The following TVP23A variants were observed in gnomAD, a reference collection of about 807,000 sequenced individuals.
TVP23A encodes trans-golgi network vesicle protein 23 homolog A.
TVP23A carries 21 observed loss-of-function variants against 31.7 expected under a neutral mutation model. That is an observed-to-expected ratio of 0.66 (90% CI 0.47 to 0.95). The LOEUF (loss-of-function observed/expected upper bound fraction) is 0.95. Ranked by LOEUF, TVP23A falls within the 40% of genes least tolerant of loss-of-function variation. TVP23A has a pLI of 0.00. For missense variants in TVP23A, 279 were observed against 255.6 expected, an observed-to-expected ratio of 1.09 and a Z score of -0.62; for synonymous variants, 104 against 96.0, an observed-to-expected ratio of 1.08 and a Z score of -0.49.
chr16:10,807,971 C>T (rs149772855), intron 2 of TVP23A, among the ~76,000 whole-genome samples: 148 of 152,268 alleles, frequency 9.7e-4, no homozygotes, highest in African/African-American at 3.4e-3. Context: ...CCTCAGCCTC[C>T]CTAGTAACTG....
Position 10,818,109 on chromosome 16 carries a change from T to A in TVP23A, c.83A>T (p.Lys28Met). The A allele has an allele frequency of 6.2e-7, 1 of 1,608,008 alleles. No homozygotes were observed. The highest frequency in any genetic ancestry group is 8.5e-7 in the Non-Finnish European group (1 of 1,177,446). Residue 28 changes from lysine (K) to methionine (M), a missense_variant, in exon 2 of 8, where the codon AAG becomes ATG. Coordinates refer to ENST00000299866, the MANE Select transcript of TVP23A (RefSeq NM_001079512.4). This position sits in a 1 kb window ranked among gnomAD's most constrained non-coding sequence, Gnocchi z 4.7. Reference protein sequence around the residue: ...NEEELAFRKAKIRHPLATFFH... With the variant: ...NEEELAFRKAMIRHPLATFFH... ...AAGCTCCATCCCAACACACCTGATCTTGGCTTTCCTAAAGGCCAGCTCCTC... is the reference window on the plus strand; with the variant it reads ...AAGCTCCATCCCAACACACCTGATCATGGCTTTCCTAAAGGCCAGCTCCTC...
At chr16:10,764,615 A>C (rs1323686178), downstream of TVP23A, among the ~76,000 whole-genome samples, 2 of 144,878 alleles carry the variant, frequency 1.4e-5, no homozygotes, top group African/African-American at 5.2e-5. Context: ...CTGCTGGAGT[A>C]TGTCAGTCTA....
intron 2 of TVP23A, among the ~76,000 whole-genome samples, chr16:10,800,848 A>C (rs542579335): frequency 2.6e-5 from 4 of 152,230 alleles, no homozygotes; most frequent in African/African-American, 9.6e-5. Flanking sequence ...AAACTTAGCC[A>C]GGCATGGTGG....
chr16:10,765,847 A>C (rs2030793368), downstream of TVP23A, among the ~76,000 whole-genome samples: 1 of 152,206 alleles, frequency 6.6e-6, no homozygotes, highest in South Asian at 2.1e-4. This position sits in a 1 kb window ranked among gnomAD's most constrained non-coding sequence, Gnocchi z 4.0. Flanking sequence ...TCTAGTGGGC[A>C]TGGTCCTGTG....
chr16:10,803,268 T>TGTGTGTGTGTGTGTGTGC (rs1555485954), intron 2 of TVP23A, among the ~76,000 whole-genome samples: 11 of 151,420 alleles, frequency 7.3e-5, no homozygotes, highest in East Asian at 2.0e-4. Context: ...TGTGTGTGTG[T>TGTGTGTGTGTGTGTGTGC]GTGTGTGTGT....
downstream of TVP23A, among the ~76,000 whole-genome samples, chr16:10,764,101 C>G (rs2030464578): frequency 6.6e-6 from 1 of 152,042 alleles, no homozygotes; most frequent in Non-Finnish European, 1.5e-5. Flanking sequence ...AGTATCTCAG[C>G]CCACAGGAGT....
intron 2 of TVP23A, among the ~76,000 whole-genome samples, chr16:10,817,523 C>G (rs1567324501): frequency 6.6e-6 from 1 of 152,172 alleles, no homozygotes; most frequent in East Asian, 1.9e-4. Context: ...AGGTCTCAGG[C>G]AGTTAAGTGA....
At chr16:10,761,823 C>A, downstream of TVP23A, 7 of 1,614,084 alleles carry the variant, frequency 4.3e-6, no homozygotes, top group Non-Finnish European at 5.9e-6. Context: ...CTTGGAGGTC[C>A]CTCTCCTCGG....
At position 10,769,061 on chromosome 16, in the gene TVP23A, T is replaced by A; in HGVS notation, c.*41A>T. ...TTGTTTTCCAGGAATCCAAGAGTTT[T>A]GTAATCTCCATCAGTCAAAAGAAGA... On this transcript the variant is annotated 3_prime_UTR_variant, in exon 8 of 8. Coordinates refer to ENST00000299866, the MANE Select transcript of TVP23A (RefSeq NM_001079512.4). The A allele has an allele frequency of 1.9e-6, 3 of 1,614,110 alleles. No individual in the cohort carries two copies. The highest frequency in any genetic ancestry group is 2.5e-6 in the Non-Finnish European group (3 of 1,180,012).
intron 2 of TVP23A, among the ~76,000 whole-genome samples, chr16:10,802,726 G>GT (rs2033761422): frequency 6.6e-6 from 1 of 152,010 alleles, no homozygotes; most frequent in African/African-American, 2.4e-5. Flanking sequence ...CCAATTCAAC[G>GT]TATCTTGCTG....
intron 2 of TVP23A, among the ~76,000 whole-genome samples, chr16:10,786,352 T>A (rs576915564): frequency 1.3e-5 from 2 of 151,936 alleles, no homozygotes; most frequent in African/African-American, 4.8e-5. Context: ...GTCAGGAGGA[T>A]CACTTGAGGC....
At chr16:10,811,794 C>T (rs188414482) in intron 2 of TVP23A, among the ~76,000 whole-genome samples, 4 of 151,200 alleles carry the variant, frequency 2.6e-5, no homozygotes, top group African/African-American at 9.7e-5. Context: ...GTCCCATCTA[C>T]TCGGCAGGCT....
chr16:10,782,965 C>T (rs778090191), intron 2 of TVP23A, among the ~76,000 whole-genome samples: 1 of 152,056 alleles, frequency 6.6e-6, no homozygotes, highest in South Asian at 2.1e-4. Flanking sequence ...AAGCAAACTG[C>T]CCCTACCTGC....
At chr16:10,758,683 G>A (rs1015754768), downstream of TVP23A, among the ~76,000 whole-genome samples, 2 of 152,170 alleles carry the variant, frequency 1.3e-5, no homozygotes, top group Non-Finnish European at 2.9e-5. Context: ...GTGTCCATGT[G>A]TCAGGTCCCC....
At chr16:10,788,155 T>C (rs746107418) in intron 2 of TVP23A, among the ~76,000 whole-genome samples, 1 of 152,158 alleles carries the variant, frequency 6.6e-6, no homozygotes, top group Non-Finnish European at 1.5e-5. Context: ...GGGAGGGCGC[T>C]TCTGGGTCAT....
intron 2 of TVP23A, among the ~76,000 whole-genome samples, chr16:10,778,720 C>T (rs1596509911): frequency 1.3e-5 from 2 of 150,980 alleles, no homozygotes; most frequent in South Asian, 2.1e-4. Context: ...AATCCCAGCA[C>T]TTTGGGAGGC....
chr16:10,802,035 A>G (rs2033717418), intron 2 of TVP23A, among the ~76,000 whole-genome samples: 1 of 151,666 alleles, frequency 6.6e-6, no homozygotes, highest in South Asian at 2.1e-4. Context: ...TGCACATTGA[A>G]GTATTTAGGG....
intron 2 of TVP23A, among the ~76,000 whole-genome samples, chr16:10,792,293 A>G (rs1424258212): frequency 6.6e-6 from 1 of 152,122 alleles, no homozygotes; most frequent in Non-Finnish European, 1.5e-5. Context: ...CACAGACAAC[A>G]CTGCTTCACT....
downstream of TVP23A, among the ~76,000 whole-genome samples, chr16:10,757,512 G>T (rs1900638142): frequency 6.6e-6 from 1 of 152,076 alleles, no homozygotes; most frequent in South Asian, 2.1e-4. The surrounding 1 kb of genome is among the most constrained non-coding windows in gnomAD (Gnocchi z 4.1). Context: ...TACACCATAG[G>T]GTGTTAAACA....
Sources: gnomAD v4.1 joint callset for allele counts (sites outside exome capture counted in the v4.1 genomes callset) on GRCh38, gnomAD v4.1.1 for gene constraint, Gnocchi (gnomAD v3.1) non-coding constraint, MANE v1.5 for transcripts, NCBI Gene and HGNC (gene_info 2026-07-23, HGNC 2026-07-21) for gene names.